The following VPS54 variants were observed in gnomAD, a reference collection of about 807,000 sequenced individuals.
VPS54 encodes vacuolar protein sorting-associated protein 54.
Under a neutral mutation model 121.5 loss-of-function variants are expected in VPS54, and 45 were observed. The observed-to-expected ratio is 0.37, with a 90% CI of 0.29 to 0.47. The LOEUF is 0.47. VPS54 is among the 20% of genes least tolerant of loss of function. The pLI, the probability that VPS54 is intolerant of heterozygous loss-of-function variation, is 0.99. For synonymous variants in VPS54, 371 were observed against 385.8 expected (o/e 0.96, Z 0.45); for missense variants, 1,090 against 1,131.4 (o/e 0.96, Z 0.52).
chr2:63,944,206 C>G (rs1674868578), intron 10 of VPS54, among the ~76,000 whole-genome samples: 1 of 152,150 alleles, frequency 6.6e-6, no homozygotes, highest in Non-Finnish European at 1.5e-5. Context: ...TTCACCTCTC[C>G]ATATCTATGT....
At chr2:63,987,538 G>A (rs1677110876) in intron 1 of VPS54, among the ~76,000 whole-genome samples, 2 of 152,080 alleles carry the variant, frequency 1.3e-5, no homozygotes, top group Non-Finnish European at 2.9e-5. Context: ...TAAATTTCAA[G>A]ATTGTTTTTT....
intron 12 of VPS54, among the ~76,000 whole-genome samples, chr2:63,926,893 G>T (rs1441379454): frequency 6.6e-6 from 1 of 152,192 alleles, no homozygotes; most frequent in Non-Finnish European, 1.5e-5. Flanking sequence ...GGTAGCACAG[G>T]AGTCTGAGAT....
At chr2:64,000,385 G>C (rs1332672216) in intron 1 of VPS54, among the ~76,000 whole-genome samples, 1 of 152,138 alleles carries the variant, frequency 6.6e-6, no homozygotes, top group African/African-American at 2.4e-5. Context: ...TCCAGAATTA[G>C]TCCCTGGTGC....
At chr2:63,982,268 T>C (rs1405087385) in intron 2 of VPS54, among the ~76,000 whole-genome samples, 6 of 152,196 alleles carry the variant, frequency 3.9e-5, no homozygotes, top group Non-Finnish European at 1.5e-5. Context: ...CACTGTTTTT[T>C]AGAGGTAGGC....
chr2:63,923,311 A>C (rs1673735985), intron 12 of VPS54, among the ~76,000 whole-genome samples: 2 of 152,046 alleles, frequency 1.3e-5, no homozygotes, highest in Non-Finnish European at 2.9e-5. Context: ...GTGAGGAAAA[A>C]AAAAAAGAAA....
chr2:63,923,121 G>A (rs1351999652), intron 12 of VPS54, among the ~76,000 whole-genome samples: 3 of 151,972 alleles, frequency 2.0e-5, no homozygotes, highest in South Asian at 2.1e-4. Context: ...AGATCATCCT[G>A]GCTAACACAT....
intron 7 of VPS54, among the ~76,000 whole-genome samples, chr2:63,950,994 T>C (rs187493869): frequency 6.6e-6 from 1 of 152,316 alleles, no homozygotes; most frequent in East Asian, 1.9e-4. Flanking sequence ...GTTCTCCAGC[T>C]TTAGATCCTT....
chr2:63,939,812 G>GT (rs1342126513), intron 11 of VPS54, among the ~76,000 whole-genome samples: 12 of 151,484 alleles, frequency 7.9e-5, no homozygotes, highest in Admixed American at 7.9e-4. Flanking sequence ...CCAGGCTGGA[G>GT]TACAGTAGCA....
At chr2:63,938,751 C>T (rs1674581881) in intron 11 of VPS54, among the ~76,000 whole-genome samples, 2 of 152,204 alleles carry the variant, frequency 1.3e-5, no homozygotes, top group South Asian at 4.1e-4. Flanking sequence ...AGGCGTGAGC[C>T]ACCACGCCAG....
chr2:63,912,957 T>C (rs1226431300), intron 18 of VPS54, among the ~76,000 whole-genome samples: 1 of 152,158 alleles, frequency 6.6e-6, no homozygotes, highest in Non-Finnish European at 1.5e-5. Flanking sequence ...CACCCCCAAA[T>C]ACTTTATACA....
rs894874161 is a variant in VPS54, at chr2:63,955,371, G to A, written c.1011-6208C>T. On this transcript the variant is annotated intron_variant, in intron 7 of 22. Transcript: ENST00000272322. ...TGATTCTTTTTTAATGCAGACTAGA[G>A]GTTAGCACTCAGGTATGTGTTACCT... Among the ~76,000 whole-genome samples the A allele has an allele frequency of 2.0e-5, 3 of 151,942 alleles. No individual in the cohort carries two copies. The East Asian group carries it at 5.8e-4, about 29-fold the overall frequency.
intron 7 of VPS54, among the ~76,000 whole-genome samples, chr2:63,949,415 A>G (rs1675136188): frequency 1.3e-5 from 2 of 152,212 alleles, no homozygotes; most frequent in South Asian, 4.1e-4. Context: ...CAGTGCAATC[A>G]GAAATCTGTG....
intron 12 of VPS54, among the ~76,000 whole-genome samples, chr2:63,926,767 T>C (rs1038881560): frequency 6.6e-6 from 1 of 152,042 alleles, no homozygotes; most frequent in Non-Finnish European, 1.5e-5. Context: ...CCTGGAGAAG[T>C]GGTACACTCC....
At position 63,932,695 on chromosome 2, in the gene VPS54, GTTGA is replaced by G. The variant is rs1289644024; in HGVS notation, c.1739+974_1739+977del. Among the ~76,000 whole-genome samples the G allele has an allele frequency of 2.0e-5, 3 of 150,758 alleles. No homozygotes were observed. In the East Asian group the frequency reaches 5.8e-4, roughly 29 times the overall value. On this transcript the variant is annotated intron_variant, in intron 12 of 22. Transcript: ENST00000272322. The stretch of plus-strand genomic sequence containing the variant: ...AAAAGAAGTAATAATAAAGTACTGA[GTTGA>G]TTTATATAAAGATAATAAAAATATT...
At chr2:63,960,516 T>C (rs1486501979) in intron 7 of VPS54, among the ~76,000 whole-genome samples, 1 of 152,172 alleles carries the variant, frequency 6.6e-6, no homozygotes, top group Non-Finnish European at 1.5e-5. Flanking sequence ...GCATGAACTT[T>C]GAGGTAAAAA....
chr2:64,016,973 T>TA (rs1279177658), intron 1 of VPS54, among the ~76,000 whole-genome samples: 1 of 145,356 alleles, frequency 6.9e-6, no homozygotes, highest in Non-Finnish European at 1.5e-5. Context: ...AAGCAGTTTT[T>TA]AAAAAGCAAA....
chr2:63,995,178 G>A (rs1335394637), intron 1 of VPS54, among the ~76,000 whole-genome samples: 12 of 152,280 alleles, frequency 7.9e-5, no homozygotes, highest in East Asian at 1.9e-4. Context: ...CACTATCAAC[G>A]TAGATCCAGA....
At chr2:63,977,327 T>C (rs1251253159) in intron 3 of VPS54, among the ~76,000 whole-genome samples, 1 of 152,216 alleles carries the variant, frequency 6.6e-6, no homozygotes, top group African/African-American at 2.4e-5. Context: ...AGGTAGAAGC[T>C]TGGATTATTA....
chr2:63,939,303 C>G (rs1270615091), intron 11 of VPS54, among the ~76,000 whole-genome samples: 1 of 151,654 alleles, frequency 6.6e-6, no homozygotes, highest in Non-Finnish European at 1.5e-5. Context: ...TCCTGGGAGG[C>G]AGAGATTGAA....
Sources: gnomAD v4.1 joint callset for allele counts (sites outside exome capture counted in the v4.1 genomes callset) on GRCh38, gnomAD v4.1.1 for gene constraint, MANE v1.5 for transcripts, NCBI Gene and HGNC (gene_info 2026-07-23, HGNC 2026-07-21) for gene names.